Variants in KDM4C observed in about 807,000 individuals in gnomAD.
KDM4C encodes lysine demethylase 4C, also known as lysine-specific demethylase 4C.
In KDM4C, 81 loss-of-function variants were observed where a neutral mutation model predicts 129.3. The ratio of observed to expected loss-of-function variants is 0.63; its 90% CI spans 0.52 to 0.75. The LOEUF (loss-of-function observed/expected upper bound fraction) is 0.75. KDM4C is among the 30% of genes least tolerant of loss of function. The pLI is 0.00. For missense variants in KDM4C, 1,457 were observed against 1,304.0 expected, an observed-to-expected ratio of 1.12 and a Z score of -1.81; for synonymous variants, 573 against 456.1, an observed-to-expected ratio of 1.26 and a Z score of -3.26.
chr9:6,810,065 T>C (rs1420939492), intron 3 of KDM4C, among the ~76,000 whole-genome samples: 1 of 152,216 alleles, frequency 6.6e-6, no homozygotes, highest in Non-Finnish European at 1.5e-5. Context: ...TAGTATTACT[T>C]GGCAATTCAA....
chr9:7,126,746 T>A (rs1840063262), intron 18 of KDM4C, among the ~76,000 whole-genome samples: 1 of 152,218 alleles, frequency 6.6e-6, no homozygotes, highest in Admixed American at 6.5e-5. Flanking sequence ...GTTTCTAATG[T>A]CACTGCCCCT....
intron 12 of KDM4C, among the ~76,000 whole-genome samples, chr9:6,992,555 G>GAAT (rs1480406007): frequency 6.6e-6 from 1 of 152,198 alleles, no homozygotes; most frequent in Non-Finnish European, 1.5e-5. Context: ...ACTGGCAACA[G>GAAT]AGAATATTCT....
intron 20 of KDM4C, among the ~76,000 whole-genome samples, chr9:7,167,979 C>G (rs376380904): frequency 2.0e-5 from 3 of 152,118 alleles, no homozygotes; most frequent in Non-Finnish European, 4.4e-5. Flanking sequence ...GTCAGGAGTT[C>G]GAGACCAGCC....
chr9:6,899,837 A>G (rs1817094952), intron 8 of KDM4C, among the ~76,000 whole-genome samples: 1 of 152,188 alleles, frequency 6.6e-6, no homozygotes. Context: ...CATTTGCTGC[A>G]TTATGGGATT....
chr9:6,807,542 T>C (rs1275838594), intron 3 of KDM4C, among the ~76,000 whole-genome samples: 2 of 146,712 alleles, frequency 1.4e-5, no homozygotes, highest in Non-Finnish European at 3.0e-5. Flanking sequence ...CCGCCCCATC[T>C]GGGATGTGAG....
chr9:6,912,449 G>A (rs571770209), intron 8 of KDM4C, among the ~76,000 whole-genome samples: 1 of 152,254 alleles, frequency 6.6e-6, no homozygotes, highest in South Asian at 2.1e-4. Context: ...CAGGGTTCCA[G>A]GAAGCTCATA....
chr9:6,900,433 G>A (rs552005833), intron 8 of KDM4C, among the ~76,000 whole-genome samples: 6 of 152,364 alleles, frequency 3.9e-5, no homozygotes, highest in African/African-American at 1.4e-4. Context: ...ACCACCAAGT[G>A]GCTTTGGACT....
chr9:7,131,514 C>T (rs1840639533), intron 19 of KDM4C, among the ~76,000 whole-genome samples: 1 of 151,864 alleles, frequency 6.6e-6, no homozygotes, highest in Non-Finnish European at 1.5e-5. Context: ...GATGGGGTCT[C>T]ACCATGTTGC....
In KDM4C at chr9:7,015,914, A is replaced by T; in HGVS notation, c.2244A>T (p.Arg748Ser). 1 of 1,612,298 alleles carries T rather than the reference A, an allele frequency of 6.2e-7. No homozygotes were observed. The highest frequency in any genetic ancestry group is 1.1e-5 in the South Asian group (1 of 90,934). ...CDGWLCARCK[R>S]NAWTAECCLC... is the part of the protein sequence containing the mutation. ...GATGGCTGTGTGCCCGGTGCAAAAG[A>T]AATGCGTGGACAGCAGTAAGTAGCT... Residue 748 changes from arginine (R) to serine (S), a missense_variant, in exon 15 of 22, where the codon AGA (arginine) becomes AGT (serine). Arg to Ser is a moderately radical substitution (Grantham distance 110, BLOSUM62 -1). Transcript: ENST00000381309.
intron 4 of KDM4C, among the ~76,000 whole-genome samples, chr9:6,835,826 T>A (rs1835778089): frequency 6.6e-6 from 1 of 152,214 alleles, no homozygotes; most frequent in African/African-American, 2.4e-5. Context: ...TTCTTTTTTT[T>A]AATAGTCATT....
chr9:6,861,307 G>A (rs1340086652), intron 5 of KDM4C, among the ~76,000 whole-genome samples: 1 of 152,094 alleles, frequency 6.6e-6, no homozygotes, highest in Admixed American at 6.5e-5. Flanking sequence ...TCCTATTTTT[G>A]TGTGTTGACC....
At chr9:6,869,626 C>G (rs192715060) in intron 5 of KDM4C, among the ~76,000 whole-genome samples, 1 of 152,340 alleles carries the variant, frequency 6.6e-6, no homozygotes, top group African/African-American at 2.4e-5. Flanking sequence ...CATTGCCCTT[C>G]AGAATTGCCC....
intron 8 of KDM4C, among the ~76,000 whole-genome samples, chr9:6,943,558 C>A (rs116887727): frequency 1.3e-5 from 2 of 151,968 alleles, no homozygotes; most frequent in Non-Finnish European, 1.5e-5. Flanking sequence ...GCCTCTGGTC[C>A]TGGCTACTTG....
chr9:6,828,708 T>TA (rs1834304478), intron 4 of KDM4C, among the ~76,000 whole-genome samples: 1 of 152,000 alleles, frequency 6.6e-6, no homozygotes, highest in African/African-American at 2.4e-5. Context: ...TCGTCTCTAC[T>TA]AAAAAATATA....
chr9:6,989,720 C>T (rs563911708), intron 11 of KDM4C, among the ~76,000 whole-genome samples: 1 of 152,210 alleles, frequency 6.6e-6, no homozygotes, highest in East Asian at 1.9e-4. Context: ...ATGGGAACAT[C>T]TTAGAGGTGA....
chr9:6,930,371 G>C (rs1563832397), intron 8 of KDM4C, among the ~76,000 whole-genome samples: 1 of 151,864 alleles, frequency 6.6e-6, no homozygotes, highest in Non-Finnish European at 1.5e-5. Flanking sequence ...CACTTATTTT[G>C]TAATGAGCAC....
chr9:6,787,256 G>A (rs1825678207), intron 1 of KDM4C, among the ~76,000 whole-genome samples: 1 of 152,102 alleles, frequency 6.6e-6, no homozygotes. Context: ...TTTTTGAGAC[G>A]GAGTCTTTAT....
At chr9:6,973,702 A>C (rs1011396204) in intron 8 of KDM4C, 1 of 152,188 alleles carries the variant, frequency 6.6e-6, no homozygotes, top group Admixed American at 6.5e-5. Flanking sequence ...TTATGCATGC[A>C]TAGCTAGTTT....
intron 3 of KDM4C, among the ~76,000 whole-genome samples, chr9:6,811,536 A>T (rs778749963): frequency 6.6e-6 from 1 of 152,182 alleles, no homozygotes; most frequent in Non-Finnish European, 1.5e-5. Flanking sequence ...TTGATAATGC[A>T]ATGTAGTCCA....
Sources: gnomAD v4.1 joint callset for allele counts (sites outside exome capture counted in the v4.1 genomes callset) on GRCh38, gnomAD v4.1.1 for gene constraint, MANE v1.5 for transcripts, NCBI Gene and HGNC (gene_info 2026-07-23, HGNC 2026-07-21) for gene names.